The following RRP15 variants were observed in gnomAD, a reference collection of about 807,000 sequenced individuals.
RRP15 encodes RRP15-like protein.
A neutral mutation model predicts 27.1 loss-of-function variants in RRP15; 18 were observed. That is an observed-to-expected ratio of 0.66 (90% CI 0.46 to 0.98). The LOEUF is 0.98. RRP15 is among the 50% of genes least tolerant of loss of function. The pLI is 0.00. For missense variants in RRP15, 359 were observed against 337.8 expected, an observed-to-expected ratio of 1.06 and a Z score of -0.49; for synonymous variants, 107 against 109.4, an observed-to-expected ratio of 0.98 and a Z score of 0.14.
chr1:218,311,405 C>CAAT (rs1655994220), intron 4 of RRP15, among the ~76,000 whole-genome samples: 1 of 152,094 alleles, frequency 6.6e-6, no homozygotes, highest in African/African-American at 2.4e-5. Flanking sequence ...AAATAATATA[C>CAAT]AATAATAATA....
intron 1 of RRP15, among the ~76,000 whole-genome samples, chr1:218,290,816 G>T (rs78548399): frequency 0.032 from 4,929 of 152,256 alleles, 251 homozygotes; most frequent in African/African-American, 0.11. Flanking sequence ...ACTTGAAATG[G>T]TTTTCAGAAA....
intron 4 of RRP15, among the ~76,000 whole-genome samples, chr1:218,317,820 C>T (rs573699679): frequency 2.6e-4 from 39 of 149,946 alleles, no homozygotes; most frequent in African/African-American, 9.3e-4. Flanking sequence ...ACTGCAGCCT[C>T]AACCTCCTGG....
chr1:218,328,662 C>CA lies in RRP15; in HGVS notation c.706-2272dup, dbSNP rs1188230214. On this transcript the variant is annotated intron_variant, in intron 4 of 4. Transcript: ENST00000366932. ...TGGGCGACAGAGCGAGACTCCGTCT[C>CA]AAAAAAAAAAAAAATTTTTTTTTCC... is the stretch of plus-strand genomic sequence containing the variant. Among the ~76,000 whole-genome samples, 655 of 141,402 alleles carry CA rather than the reference C, an allele frequency of 4.6e-3. 3 individuals carry two copies. The highest frequency in any genetic ancestry group is 6.1e-3 in the African/African-American group (237 of 38,652). The allele number at this position is 141,402 out of a possible 152,430, so 92.8% of individuals were successfully genotyped here.
intron 1 of RRP15, among the ~76,000 whole-genome samples, chr1:218,293,031 T>A (rs1655669979): frequency 6.6e-6 from 1 of 151,374 alleles, no homozygotes; most frequent in South Asian, 2.1e-4. Flanking sequence ...TTTTCTTATT[T>A]TTTTTTTTTT....
intron 4 of RRP15, among the ~76,000 whole-genome samples, chr1:218,324,656 T>A (rs1656243118): frequency 6.6e-6 from 1 of 152,254 alleles, no homozygotes; most frequent in Non-Finnish European, 1.5e-5. Context: ...ATTAGTTTTC[T>A]GTTTTAGTAG....
Position 218,307,451 on chromosome 1 carries a change from A to G in RRP15, c.524A>G (p.Asn175Ser). The G allele has an allele frequency of 6.2e-7, 1 of 1,613,846 alleles. No homozygotes were observed. Among genetic ancestry groups the G allele is most frequent in the Non-Finnish European group, 8.5e-7 (1 of 1,179,830 alleles). The change falls in exon 4 of 5, where the codon AAT (asparagine) becomes AGT (serine). Residue 175 changes from asparagine to serine, a missense_variant. Transcript: ENST00000366932. Reference sequence around the variant, plus strand: ...TACAGGGGTGTGGTGCAATTATTTAATGCTGTTCAGAAACATCAAAAGAAT... The same window carrying G: ...TACAGGGGTGTGGTGCAATTATTTAGTGCTGTTCAGAAACATCAAAAGAAT... Reference protein sequence around the residue: ...IATRGVVQLFNAVQKHQKNVD... With the variant: ...IATRGVVQLFSAVQKHQKNVD...
intron 4 of RRP15, among the ~76,000 whole-genome samples, chr1:218,323,630 C>G (rs1441874129): frequency 1.3e-5 from 2 of 152,200 alleles, no homozygotes; most frequent in African/African-American, 4.8e-5. Flanking sequence ...AGAAGCCTGT[C>G]TGCTTCCTGC....
chr1:218,288,264 A>G lies in RRP15; in HGVS notation c.139+2809A>G, dbSNP rs563855784. ...TGCACTAGGACACAGCAGTGAAGACAGAGAAGGGCCCCACTTGAAATATTT... is the reference window on the plus strand; with the variant it reads ...TGCACTAGGACACAGCAGTGAAGACGGAGAAGGGCCCCACTTGAAATATTT... On this transcript the variant is annotated intron_variant, in intron 1 of 4. Coordinates refer to ENST00000366932, the MANE Select transcript of RRP15 (RefSeq NM_016052.4). Among the ~76,000 whole-genome samples, 124 of 152,360 alleles carry G rather than the reference A, an allele frequency of 8.1e-4. 1 individual carries two copies. The highest frequency in any genetic ancestry group is 3.4e-3 in the Middle Eastern group (1 of 294).
rs140747734 is a variant in RRP15, at chr1:218,307,405, C to T, written c.504-26C>T. On this transcript the variant is annotated intron_variant, in intron 3 of 4. Coordinates refer to ENST00000366932, the MANE Select transcript of RRP15 (RefSeq NM_016052.4). The stretch of plus-strand genomic sequence containing the variant: ...ATTCTAGGGTAATTATTTAATACAT[C>T]ATTCTGGTCATTTTATATTCTACAG... The T allele has an allele frequency of 5.7e-4, 895 of 1,579,708 alleles. 3 individuals are homozygous for T. The African/African-American group carries it at 0.01, about 18-fold the overall frequency.
intron 4 of RRP15, among the ~76,000 whole-genome samples, chr1:218,307,882 G>A (rs1421768970): frequency 6.6e-6 from 1 of 152,008 alleles, no homozygotes; most frequent in Non-Finnish European, 1.5e-5. Context: ...TACCCATAGA[G>A]GGTGTGTAAC....
chr1:218,330,199 T>C (rs762044316), intron 4 of RRP15, among the ~76,000 whole-genome samples: 1 of 152,176 alleles, frequency 6.6e-6, no homozygotes, highest in Non-Finnish European at 1.5e-5. Flanking sequence ...TTTTGAGTGC[T>C]GCATCTATTG....
chr1:218,305,195 C>A, intron 3 of RRP15, 70 bp downstream of exon 3: 1 of 1,184,880 alleles, frequency 8.4e-7, no homozygotes, highest in Non-Finnish European at 1.2e-6. Context: ...ATTTTTGACC[C>A]AATTTGATTC....
At position 218,307,440 on chromosome 1, in the gene RRP15, G is replaced by A. The variant is rs200611133; in HGVS notation, c.513G>A (p.Val171=). 1.7e-5 allele frequency: 28 copies of A among 1,613,122 alleles called. No homozygotes were observed. Among genetic ancestry groups the A allele is most frequent in the Middle Eastern group, 1.6e-4 (1 of 6,076 alleles). ...NLQRIATRGV[V]QLFNAVQKHQ... ...ATTTTATATTCTACAGGGGTGTGGTGCAATTATTTAATGCTGTTCAGAAAC... is the reference window on the plus strand; with the variant it reads ...ATTTTATATTCTACAGGGGTGTGGTACAATTATTTAATGCTGTTCAGAAAC... The change falls in exon 4 of 5, where the codon GTG becomes GTA. Residue 171 remains valine, a synonymous_variant. Transcript: ENST00000366932.
intron 4 of RRP15, among the ~76,000 whole-genome samples, chr1:218,310,874 G>A (rs1655984446): frequency 6.6e-6 from 1 of 151,804 alleles, no homozygotes; most frequent in African/African-American, 2.4e-5. Context: ...TCAGCCTCCC[G>A]AGTAGCTGGG....
chr1:218,313,346 G>A (rs1328577892), intron 4 of RRP15, among the ~76,000 whole-genome samples: 1 of 152,108 alleles, frequency 6.6e-6, no homozygotes. Flanking sequence ...GATTGGAGAG[G>A]CAATTTTAAG....
chr1:218,285,303 T>G lies in RRP15; in HGVS notation c.-14T>G. 6.2e-7 allele frequency: 1 copy of G among 1,613,014 alleles called. No homozygotes were observed. The highest frequency in any genetic ancestry group is 8.5e-7 in the Non-Finnish European group (1 of 1,179,650). On this transcript the variant is annotated 5_prime_UTR_variant, in exon 1 of 5. Coordinates refer to ENST00000366932, the MANE Select transcript of RRP15 (RefSeq NM_016052.4). Reference sequence around the variant, plus strand: ...CCGGACGCAACTGTCAGGTGACGCTTCCGGCGCAGAAAAATGGCAGCCGCC... The same window carrying G: ...CCGGACGCAACTGTCAGGTGACGCTGCCGGCGCAGAAAAATGGCAGCCGCC...
rs1393215851 is a variant in RRP15, at chr1:218,336,230, A to T, written c.*5139A>T. ...CTCAACATACTGCCAGAGCAAATGTAGGTTGCAGATTCAGGCAAAACACAC... is the reference window on the plus strand; with the variant it reads ...CTCAACATACTGCCAGAGCAAATGTTGGTTGCAGATTCAGGCAAAACACAC... On this transcript the variant is annotated 3_prime_UTR_variant, in exon 5 of 5. Transcript: ENST00000366932. The T allele has an allele frequency of 6.6e-6, 1 of 152,352 alleles. No homozygotes were observed. The highest frequency in any genetic ancestry group is 2.4e-5 in the African/African-American group (1 of 41,286). 9.4% of individuals were successfully genotyped at this position (152,352 alleles called of 1,614,324 possible). A position where few individuals can be genotyped will look rare whatever the true frequency, so the allele number is the denominator to read the frequency against.
At position 218,332,717 on chromosome 1, in the gene RRP15, T is replaced by C. The variant is rs1351381539; in HGVS notation, c.*1626T>C. 2 of 152,160 alleles carry C rather than the reference T, an allele frequency of 1.3e-5. No individual in the cohort carries two copies. Among genetic ancestry groups the C allele is most frequent in the Non-Finnish European group, 2.9e-5 (2 of 68,018 alleles). The allele number at this position is 152,160 out of a possible 1,614,324, so 9.4% of individuals were successfully genotyped here. ...AAACAGCAAAGTACAAGATGCATTT[T>C]TGTATTTATTCTAACTTTTGAACAT... On this transcript the variant is annotated 3_prime_UTR_variant, in exon 5 of 5. Coordinates refer to ENST00000366932, the MANE Select transcript of RRP15 (RefSeq NM_016052.4).
At chr1:218,309,746 C>T (rs1655963633) in intron 4 of RRP15, among the ~76,000 whole-genome samples, 1 of 150,194 alleles carries the variant, frequency 6.7e-6, no homozygotes, top group South Asian at 2.1e-4. Context: ...AGGTGTTATC[C>T]TTGTTGTGTC....
Sources: gnomAD v4.1 joint callset for allele counts (sites outside exome capture counted in the v4.1 genomes callset) on GRCh38, gnomAD v4.1.1 for gene constraint, MANE v1.5 for transcripts, NCBI Gene and HGNC (gene_info 2026-07-23, HGNC 2026-07-21) for gene names.